The following NCOR2 variants were observed in gnomAD, a reference collection of about 807,000 sequenced individuals.
NCOR2 encodes the protein nuclear receptor corepressor 2.
Under a neutral mutation model 262.9 loss-of-function variants are expected in NCOR2, and 81 were observed. That is an observed-to-expected ratio of 0.31 (90% confidence interval 0.26 to 0.37). NCOR2 has a LOEUF of 0.37. Ranked by LOEUF, NCOR2 falls within the 10% of genes least tolerant of loss-of-function variation. The probability of loss-of-function intolerance (pLI) is 1.00; values close to 1 mark genes in which losing one functional copy is unlikely to be tolerated. For missense variants in NCOR2, 3,385 were observed against 3,621.4 expected (o/e 0.93, Z 1.68); for synonymous variants, 1,659 against 1,559.3 (o/e 1.06, Z -1.51).
chr12:124,358,159 G>A (rs1313070406), intron 22 of NCOR2, among the ~76,000 whole-genome samples: 1 of 147,774 alleles, frequency 6.8e-6, no homozygotes, highest in African/African-American at 2.5e-5. Context: ...GTGTGTGTGT[G>A]CCTGTACACA....
At chr12:124,486,665 G>C in intron 1 of NCOR2, 97 bp from the exon 4 acceptor site, 3 of 1,417,288 alleles carry the variant, frequency 2.1e-6, no homozygotes, top group Non-Finnish European at 2.8e-6. Flanking sequence ...TCCCTGCTCA[G>C]GCTCGCTCCT....
At chr12:124,355,810 C>G (rs966732799) in intron 23 of NCOR2, among the ~76,000 whole-genome samples, 1 of 152,178 alleles carries the variant, frequency 6.6e-6, no homozygotes, top group African/African-American at 2.4e-5. Flanking sequence ...ATCCAAGCGC[C>G]CTCAACTCTC....
At chr12:124,367,182 C>G (rs991194609) in intron 20 of NCOR2, among the ~76,000 whole-genome samples, 3 of 152,078 alleles carry the variant, frequency 2.0e-5, no homozygotes, top group Non-Finnish European at 2.9e-5. Context: ...CCCTGTGGCC[C>G]CTCACCTAGT....
intron 15 of NCOR2, among the ~76,000 whole-genome samples, chr12:124,399,500 G>C (rs1245774557): frequency 6.6e-6 from 1 of 152,210 alleles, no homozygotes; most frequent in Non-Finnish European, 1.5e-5. Context: ...GAGCTGCATA[G>C]GCTCTGTGGC....
rs2034531139 is a variant in NCOR2 at position 124,325,374 on chromosome 12, A to ACTGCC, written c.*27_*28insGGCAG. The ACTGCC allele has an allele frequency of 2.5e-5, 8 of 316,294 alleles. No homozygotes were observed. In the East Asian group the frequency reaches 4.7e-4, roughly 19 times the overall value. The allele number at this position is 316,294 out of a possible 1,614,324, so 19.6% of individuals were successfully genotyped here. A position where few individuals can be genotyped will look rare whatever the true frequency, so the allele number is the denominator to read the frequency against. The stretch of plus-strand genomic sequence containing the variant: ...TTCCTGTGGCTCGCTGGGACCTGAC[A>ACTGCC]CCGCCCCCCCCCCCGCCCTGTTCTG... On this transcript the variant is annotated 3_prime_UTR_variant, in exon 47 of 47. Transcript: ENST00000405201.
intron 18 of NCOR2, among the ~76,000 whole-genome samples, chr12:124,375,745 G>A (rs1441354419): frequency 3.3e-5 from 5 of 152,170 alleles, no homozygotes; most frequent in African/African-American, 4.8e-5. Context: ...TGTCAAATGC[G>A]GAGAACAGCA....
rs1190159755 is a variant in NCOR2, at chr12:124,334,632, G to C, written c.6412-15C>G. 4.4e-6 allele frequency: 6 copies of C among 1,368,136 alleles called. No individual in the cohort carries two copies. The highest frequency in any genetic ancestry group is 1.5e-5 in the African/African-American group (1 of 67,330). 84.7% of individuals were successfully genotyped at this position (1,368,136 alleles called of 1,614,324 possible). ...GTGATGACCTCCTGCAGGCAAGTGG[G>C]GGGGCCCAGAGTCAGGCAGCACTCT... On this transcript the variant is annotated splice_polypyrimidine_tract_variant and intron_variant, in intron 40 of 46. Coordinates refer to ENST00000405201, the Ensembl canonical transcript of NCOR2.
chr12:124,503,539 G>A lies in NCOR2; in HGVS notation c.-117-8171C>T, dbSNP rs919063959. 6.6e-6 allele frequency among the ~76,000 whole-genome samples: 1 copy of A among 151,274 alleles called. No homozygotes were observed. Among genetic ancestry groups the A allele is most frequent in the African/African-American group, 2.4e-5 (1 of 41,052 alleles). On this transcript the variant is annotated intron_variant, in intron 1 of 46. Transcript: ENST00000404621. The surrounding 1 kb of genome is among the most constrained non-coding windows in gnomAD (Gnocchi z 4.3). ...ACAGAGGATGGACAGATGAATGGAT[G>A]GATGGATGGACGAATGGATGGATGG...
intron 1 of NCOR2, among the ~76,000 whole-genome samples, chr12:124,506,809 C>G (rs1038788952): frequency 3.3e-5 from 5 of 152,154 alleles, no homozygotes; most frequent in Admixed American, 1.3e-4. Context: ...ACGCTGGCAC[C>G]AGCTGTGTAA....
At chr12:124,547,773 T>C (rs2051584758) in intron 1 of NCOR2, among the ~76,000 whole-genome samples, 1 of 152,184 alleles carries the variant, frequency 6.6e-6, no homozygotes, top group Non-Finnish European at 1.5e-5. Context: ...TATGTGGCCT[T>C]GTGTGTCTGG....
chr12:124,443,237 T>A lies in NCOR2; in HGVS notation c.816-5241A>T, dbSNP rs933426596. ...AAAACGACTCGGTGAGCATGAGGCC[T>A]CGGGGTGGTGGTGATGTGCATGCAG... On this transcript the variant is annotated intron_variant, in intron 7 of 46. Coordinates refer to ENST00000405201, the Ensembl canonical transcript of NCOR2. This position sits in a 1 kb window ranked among gnomAD's most constrained non-coding sequence, Gnocchi z 4.4. Among the ~76,000 whole-genome samples, 1 of 152,210 alleles carries A rather than the reference T, an allele frequency of 6.6e-6. No homozygotes were observed. The highest frequency in any genetic ancestry group is 2.4e-5 in the African/African-American group (1 of 41,452).
At chr12:124,434,343 A>G (rs2136384688) in intron 8 of NCOR2, among the ~76,000 whole-genome samples, 1 of 152,126 alleles carries the variant, frequency 6.6e-6, no homozygotes, top group African/African-American at 2.4e-5. Context: ...CAACAAAGAG[A>G]CCATCCCAAT....
chr12:124,348,520 G>A (rs1593158953), intron 28 of NCOR2: 4 of 632,984 alleles, frequency 6.3e-6, no homozygotes, highest in East Asian at 3.0e-5. Flanking sequence ...AGCTTTTCCA[G>A]GGGGTTGCAC....
chr12:124,354,989 A>C, intron 24 of NCOR2, 50 bp from the exon 27 acceptor site: 1 of 1,526,982 alleles, frequency 6.5e-7, no homozygotes, highest in Non-Finnish European at 9.0e-7. Flanking sequence ...TCCCTCCCCC[A>C]CAGTCCAGAG....
intron 16 of NCOR2, among the ~76,000 whole-genome samples, chr12:124,397,566 G>A (rs770878178): frequency 9.9e-5 from 15 of 152,122 alleles, no homozygotes; most frequent in Non-Finnish European, 1.8e-4. Context: ...TGTCCCCAAC[G>A]GCCTGGGTGT....
rs1327344313 is a variant in NCOR2, at chr12:124,439,259, AGAT to A, written c.816-1266_816-1264del. ...GGGAGACAGAGACCCAGAGAGAGAG[AGAT>A]GGAGACCCTGAGACAGAGGGAGAGA... On this transcript the variant is annotated intron_variant, in intron 7 of 46. Transcript: ENST00000405201. 9.3e-5 allele frequency among the ~76,000 whole-genome samples: 8 copies of A among 85,852 alleles called. No homozygotes were observed. In the East Asian group the frequency reaches 2.8e-3, roughly 30 times the overall value. The allele number at this position is 85,852 out of a possible 152,430, so 56.3% of individuals were successfully genotyped here.
rs770709763 is a variant in NCOR2, at chr12:124,327,648, C to G, written c.6959-15G>C. The G allele has an allele frequency of 1.5e-4, 223 of 1,514,088 alleles. No individual in the cohort carries two copies. Among genetic ancestry groups the G allele is most frequent in the East Asian group, 1.9e-4 (8 of 42,312 alleles). The allele number at this position is 1,514,088 out of a possible 1,614,324, so 93.8% of individuals were successfully genotyped here. A position where few individuals can be genotyped will look rare whatever the true frequency, so the allele number is the denominator to read the frequency against. Reference sequence around the variant, plus strand: ...GGTCATAAGGCCTGGGAGAGAGAGACAGACAGACAGACAGACACATGGGGG... The same window carrying G: ...GGTCATAAGGCCTGGGAGAGAGAGAGAGACAGACAGACAGACACATGGGGG... On this transcript the variant is annotated splice_polypyrimidine_tract_variant and intron_variant, in intron 44 of 46. Coordinates refer to ENST00000405201, the Ensembl canonical transcript of NCOR2.
At chr12:124,415,998 C>T (rs2136270612) in intron 13 of NCOR2, among the ~76,000 whole-genome samples, 1 of 152,084 alleles carries the variant, frequency 6.6e-6, no homozygotes, top group East Asian at 1.9e-4. Context: ...AAAAATGTGA[C>T]CTAAGATTTA....
exon 46 of NCOR2, chr12:124,326,209 C>A: frequency 6.5e-7 from 1 of 1,536,098 alleles, no homozygotes; most frequent in Non-Finnish European, 8.8e-7. Context: ...GAGGGCCTGT[C>A]CTCCCACACG....
Sources: gnomAD v4.1 joint callset for allele counts (sites outside exome capture counted in the v4.1 genomes callset) on GRCh38, gnomAD v4.1.1 for gene constraint, Gnocchi (gnomAD v3.1) non-coding constraint, MANE v1.5 for transcripts, NCBI Gene and HGNC (gene_info 2026-07-23, HGNC 2026-07-21) for gene names.